The following WDR72 variants were observed in gnomAD, a reference collection of about 807,000 sequenced individuals.
WDR72 encodes the protein WD repeat domain 72.
WDR72 carries 120 observed loss-of-function variants against 124.2 expected under a neutral mutation model. That is an observed-to-expected ratio of 0.97 (90% CI 0.83 to 1.12). The LOEUF (loss-of-function observed/expected upper bound fraction) is 1.12, where lower values mean the gene tolerates loss of function less well. Among genes scored for constraint, WDR72 ranks in the 50% most tolerant of loss-of-function variants. The pLI is 0.00. For synonymous variants in WDR72, 452 were observed against 441.7 expected, an observed-to-expected ratio of 1.02 and a Z score of -0.29; for missense variants, 1,387 against 1,278.8, an observed-to-expected ratio of 1.08 and a Z score of -1.29.
At chr15:53,722,653 AT>A in intron 3 of WDR72, 148 bp downstream of exon 3, 1 of 706,902 alleles carries the variant, frequency 1.4e-6, no homozygotes, top group Non-Finnish European at 2.5e-6. Flanking sequence ...CACACAAGTT[AT>A]TCAAACTTTC....
At chr15:53,649,037 C>A (rs1323575627) in intron 14 of WDR72, among the ~76,000 whole-genome samples, 1 of 152,044 alleles carries the variant, frequency 6.6e-6, no homozygotes, top group Non-Finnish European at 1.5e-5. Flanking sequence ...AAATATAGTT[C>A]TTTCCAGTGG....
At chr15:53,724,644 T>G (rs1426405933) in intron 2 of WDR72, among the ~76,000 whole-genome samples, 1 of 152,150 alleles carries the variant, frequency 6.6e-6, no homozygotes, top group African/African-American at 2.4e-5. Context: ...ATCACCCCCA[T>G]GATCCAATCA....
chr15:53,733,098 G>A lies in WDR72; in HGVS notation c.52C>T (p.His18Tyr). The A allele has an allele frequency of 1.2e-6, 2 of 1,614,054 alleles. No individual in the cohort carries two copies. The highest frequency in any genetic ancestry group is 1.7e-6 in the Non-Finnish European group (2 of 1,179,980). Residue 18 changes from histidine to tyrosine, a missense_variant, in exon 2 of 20, where the codon CAC becomes TAC. Transcript: ENST00000360509. ...GTGATCATGATGGCAGTGATGCTGT[G>A]GGGAGGGGCCTTCTGTCCCCAGAGT... The part of the protein sequence containing the change: ...VALWGQKAPP[H>Y]SITAIMITDD...
intron 13 of WDR72, among the ~76,000 whole-genome samples, chr15:53,688,569 CA>C (rs749784751): frequency 2.0e-5 from 3 of 152,078 alleles, no homozygotes; most frequent in Non-Finnish European, 2.9e-5. Flanking sequence ...AAAGAGGATA[CA>C]AACAAATGGA....
chr15:53,564,973 G>T (rs1894242749), intron 18 of WDR72, among the ~76,000 whole-genome samples: 1 of 151,832 alleles, frequency 6.6e-6, no homozygotes, highest in African/African-American at 2.4e-5. Flanking sequence ...TAATTCTAAT[G>T]CAGATAGTCC....
At chr15:53,640,448 G>A (rs2014804463) in intron 14 of WDR72, among the ~76,000 whole-genome samples, 1 of 152,170 alleles carries the variant, frequency 6.6e-6, no homozygotes, top group East Asian at 1.9e-4. Context: ...ATTTGGAAAA[G>A]GACATAAGTT....
rs78602051 is a variant in WDR72, at chr15:53,681,217, G to A, written c.1766-15449C>T. 8.2e-3 allele frequency among the ~76,000 whole-genome samples: 1,244 copies of A among 152,266 alleles called. 11 individuals carry two copies. The highest frequency in any genetic ancestry group is 0.029 in the African/African-American group (1,193 of 41,546). ...ATCATTACAGTCCACTGAGTCTTGC[G>A]TTTCCAATTGTTTCTGTGGCAGCTG... On this transcript the variant is annotated intron_variant, in intron 13 of 19. Coordinates refer to ENST00000360509, the MANE Select transcript of WDR72 (RefSeq NM_182758.4).
At chr15:53,668,797 TTGGGGGGCTGAG>T (rs2015867482) in intron 13 of WDR72, among the ~76,000 whole-genome samples, 4 of 28,406 alleles carry the variant, frequency 1.4e-4, no homozygotes, top group Non-Finnish European at 7.8e-4. Context: ...TCACAGCTAC[TTGGGGGGCTGAG>T]GTGGGAGGAT....
chr15:53,648,638 T>TA (rs2015126910), intron 14 of WDR72, among the ~76,000 whole-genome samples: 1 of 152,144 alleles, frequency 6.6e-6, no homozygotes, highest in East Asian at 1.9e-4. Flanking sequence ...ACATAACGAA[T>TA]AACCAACCAC....
chr15:53,572,528 A>C (rs1021240143), intron 18 of WDR72, among the ~76,000 whole-genome samples: 1 of 152,220 alleles, frequency 6.6e-6, no homozygotes, highest in African/African-American at 2.4e-5. Flanking sequence ...GCTAGGCAAA[A>C]GTTTGTTAGA....
At chr15:53,611,769 C>T (rs565485478) in intron 16 of WDR72, among the ~76,000 whole-genome samples, 2 of 152,010 alleles carry the variant, frequency 1.3e-5, no homozygotes, top group African/African-American at 4.8e-5. Context: ...AACAGAGATG[C>T]TGCCTCCTAC....
chr15:53,522,223 G>C (rs2140208676), intron 19 of WDR72, among the ~76,000 whole-genome samples: 1 of 152,114 alleles, frequency 6.6e-6, no homozygotes, highest in Non-Finnish European at 1.5e-5. Context: ...ACTCTCCTTG[G>C]GGAAGGATCA....
At chr15:53,726,345 G>C (rs2018037201) in intron 2 of WDR72, among the ~76,000 whole-genome samples, 1 of 101,888 alleles carries the variant, frequency 9.8e-6, no homozygotes. Context: ...GTGTACACGT[G>C]TGTTGGGAGG....
At chr15:53,716,479 C>A in intron 4 of WDR72, 128 bp downstream of exon 4, 2 of 736,812 alleles carry the variant, frequency 2.7e-6, no homozygotes, top group Admixed American at 4.0e-5. Flanking sequence ...TGATATTTGA[C>A]CCTCATGACA....
chr15:53,680,383 G>A (rs531691906), intron 13 of WDR72, among the ~76,000 whole-genome samples: 1 of 152,252 alleles, frequency 6.6e-6, no homozygotes, highest in East Asian at 1.9e-4. Flanking sequence ...TTATTGATGG[G>A]AGATAACTTT....
intron 13 of WDR72, among the ~76,000 whole-genome samples, chr15:53,689,083 T>A (rs1222505853): frequency 1.3e-5 from 2 of 152,174 alleles, no homozygotes; most frequent in African/African-American, 4.8e-5. Flanking sequence ...ATTAAAGACT[T>A]AAACGTTAAA....
chr15:53,761,687 C>T (rs948146281), upstream of WDR72, among the ~76,000 whole-genome samples: 4 of 151,994 alleles, frequency 2.6e-5, no homozygotes, highest in Non-Finnish European at 4.4e-5. Flanking sequence ...ATTAGCCAGG[C>T]GTGGTGGCTG....
chr15:53,677,601 G>A (rs925620338), intron 13 of WDR72, among the ~76,000 whole-genome samples: 13 of 151,954 alleles, frequency 8.6e-5, no homozygotes, highest in African/African-American at 2.9e-4. Flanking sequence ...TTTTATAAAG[G>A]GAAGCTCCCC....
chr15:53,645,976 G>A (rs75452646), intron 14 of WDR72, among the ~76,000 whole-genome samples: 2,625 of 152,222 alleles, frequency 0.017, 79 homozygotes, highest in African/African-American at 0.06. Context: ...CAAGAGGCAT[G>A]AGCCAAAACT....
Sources: gnomAD v4.1 joint callset for allele counts (sites outside exome capture counted in the v4.1 genomes callset) on GRCh38, gnomAD v4.1.1 for gene constraint, MANE v1.5 for transcripts, NCBI Gene and HGNC (gene_info 2026-07-23, HGNC 2026-07-21) for gene names.